Variants in GSE1 observed in about 807,000 individuals in gnomAD.
GSE1 encodes genetic suppressor element 1.
GSE1 carries 32 observed loss-of-function variants against 112.6 expected under a neutral mutation model. The observed-to-expected ratio is 0.28, with a 90% confidence interval of 0.21 to 0.38. GSE1 has a LOEUF of 0.38. GSE1 is among the 10% of genes least tolerant of loss of function. The probability of loss-of-function intolerance (pLI) is 1.00; values close to 1 mark genes in which losing one functional copy is unlikely to be tolerated. For missense variants in GSE1, 2,348 were observed against 1,699.2 expected, an observed-to-expected ratio of 1.38 and a Z score of -6.71; for synonymous variants, 1,115 against 735.6, an observed-to-expected ratio of 1.52 and a Z score of -8.35.
chr16:85,333,191 G>A (rs1221609667), intron 1 of GSE1, among the ~76,000 whole-genome samples: 13 of 152,178 alleles, frequency 8.5e-5, no homozygotes, highest in Non-Finnish European at 1.9e-4. Context: ...CATACCAGGA[G>A]GGGTGGCAGG....
intron 2 of GSE1, among the ~76,000 whole-genome samples, chr16:85,457,695 C>A (rs916709223): frequency 6.6e-6 from 1 of 152,186 alleles, no homozygotes; most frequent in Non-Finnish European, 1.5e-5. Flanking sequence ...GGTGATTGCA[C>A]CCCCACCCTC....
chr16:85,378,521 C>T (rs1476558378), intron 2 of GSE1, among the ~76,000 whole-genome samples: 1 of 152,226 alleles, frequency 6.6e-6, no homozygotes, highest in Non-Finnish European at 1.5e-5. Flanking sequence ...CCCAGGCTCT[C>T]CCTCTCTATA....
At chr16:85,332,980 A>C (rs1315624027) in intron 1 of GSE1, among the ~76,000 whole-genome samples, 1 of 152,002 alleles carries the variant, frequency 6.6e-6, no homozygotes, top group Non-Finnish European at 1.5e-5. Context: ...TTGCTCCCAG[A>C]GTGTGTCCTT....
At position 85,458,281 on chromosome 16, in the gene GSE1, A is replaced by T. The variant is rs184906844; in HGVS notation, c.2464+100638A>T. On this transcript the variant is annotated intron_variant, in intron 2 of 2. Coordinates refer to the GSE1 transcript ENST00000637419. ...GCAGACAGTCCTGCCCTCAAGGAGC[A>T]GGGAGGAGTGCAGCCCAAGGACACA... Among the ~76,000 whole-genome samples, 328 of 152,336 alleles carry T rather than the reference A, an allele frequency of 2.2e-3. 1 individual carries two copies. Among genetic ancestry groups the T allele is most frequent in the African/African-American group, 7.2e-3 (301 of 41,574 alleles).
At chr16:85,421,768 C>G (rs1041453946) in intron 2 of GSE1, among the ~76,000 whole-genome samples, 3 of 152,090 alleles carry the variant, frequency 2.0e-5, no homozygotes, top group Non-Finnish European at 4.4e-5. Flanking sequence ...CTTAGGGCCT[C>G]CCACCAGGAA....
chr16:85,529,472 G>C (rs1220022517), intron 2 of GSE1, among the ~76,000 whole-genome samples: 1 of 152,212 alleles, frequency 6.6e-6, no homozygotes, highest in South Asian at 2.1e-4. Flanking sequence ...AAACCCCAGA[G>C]TTCCAGCTTC....
intron 1 of GSE1, among the ~76,000 whole-genome samples, chr16:85,299,401 C>T (rs1184971977): frequency 6.6e-6 from 1 of 152,196 alleles, no homozygotes; most frequent in Non-Finnish European, 1.5e-5. Flanking sequence ...ATATCCTCTC[C>T]AACCCCCCTG....
chr16:85,508,146 G>T (rs965434504), intron 2 of GSE1, among the ~76,000 whole-genome samples: 19 of 152,214 alleles, frequency 1.2e-4, no homozygotes, highest in African/African-American at 4.3e-4. Flanking sequence ...TGATTCTCAT[G>T]TCTCAGCCTC....
intron 1 of GSE1, among the ~76,000 whole-genome samples, chr16:85,256,611 C>T (rs1375703880): frequency 6.6e-6 from 1 of 152,252 alleles, no homozygotes; most frequent in Non-Finnish European, 1.5e-5. Context: ...GTATTTCCAT[C>T]CGGGACCCCG....
intron 2 of GSE1, chr16:85,359,489 C>G (rs530238286): frequency 2.9e-5 from 13 of 449,544 alleles, no homozygotes; most frequent in African/African-American, 1.6e-4. Context: ...AATGAGTCAT[C>G]CTGAGCCTCT....
intron 1 of GSE1, among the ~76,000 whole-genome samples, chr16:85,564,940 T>G (rs2045674825): frequency 6.6e-6 from 1 of 150,820 alleles, no homozygotes; most frequent in African/African-American, 2.4e-5. Context: ...GAGCCCAGAG[T>G]TTAGGGGTGG....
intron 1 of GSE1, among the ~76,000 whole-genome samples, chr16:85,596,688 T>G (rs1464459402): frequency 6.6e-6 from 1 of 152,194 alleles, no homozygotes; most frequent in Non-Finnish European, 1.5e-5. Context: ...TTCAAGTGCT[T>G]AGAGGCCATG....
At chr16:85,437,648 C>G (rs1321465781) in intron 2 of GSE1, among the ~76,000 whole-genome samples, 2 of 152,126 alleles carry the variant, frequency 1.3e-5, no homozygotes, top group African/African-American at 4.8e-5. Flanking sequence ...TGCGCAGGAG[C>G]CGCCTGTCCT....
intron 1 of GSE1, among the ~76,000 whole-genome samples, chr16:85,585,806 A>G (rs1438184724): frequency 6.6e-6 from 1 of 152,244 alleles, no homozygotes; most frequent in African/African-American, 2.4e-5. Flanking sequence ...TCTGATCCAC[A>G]TACATTTCCT....
chr16:85,341,343 C>T (rs995508267), intron 1 of GSE1, among the ~76,000 whole-genome samples: 4 of 152,178 alleles, frequency 2.6e-5, no homozygotes, highest in African/African-American at 9.7e-5. Context: ...GCATGTGCTA[C>T]CATGCTGAGC....
intron 1 of GSE1, among the ~76,000 whole-genome samples, chr16:85,599,850 T>A (rs2047386385): frequency 6.6e-6 from 1 of 152,296 alleles, no homozygotes. Context: ...CAGTGAGCTA[T>A]GATCGTACCA....
At chr16:85,221,852 C>T (rs1597833079) in intron 1 of GSE1, among the ~76,000 whole-genome samples, 1 of 152,200 alleles carries the variant, frequency 6.6e-6, no homozygotes, top group East Asian at 1.9e-4. Context: ...CCACGTCAGT[C>T]CCGCTTGGAG....
intron 1 of GSE1, among the ~76,000 whole-genome samples, chr16:85,581,159 G>T (rs117287225): frequency 6.6e-6 from 1 of 152,192 alleles, no homozygotes; most frequent in African/African-American, 2.4e-5. Flanking sequence ...TCCCACATGG[G>T]CTCCTCTCTC....
intron 2 of GSE1, among the ~76,000 whole-genome samples, chr16:85,497,275 T>C (rs2051212980): frequency 6.6e-6 from 1 of 152,190 alleles, no homozygotes. Flanking sequence ...CCTCTGGTGT[T>C]AGACCTCCTT....
Sources: gnomAD v4.1 joint callset for allele counts (sites outside exome capture counted in the v4.1 genomes callset) on GRCh38, gnomAD v4.1.1 for gene constraint, MANE v1.5 for transcripts, NCBI Gene and HGNC (gene_info 2026-07-23, HGNC 2026-07-21) for gene names.